Variants in NCKAP5 observed in about 807,000 individuals in gnomAD.
The protein encoded by NCKAP5 is nck-associated protein 5.
In NCKAP5, 92 loss-of-function variants were observed where a neutral mutation model predicts 167.0. The ratio of observed to expected loss-of-function variants is 0.55; its 90% CI spans 0.47 to 0.66. The LOEUF is 0.66. NCKAP5 is among the 30% of genes least tolerant of loss of function. The probability of loss-of-function intolerance (pLI) is 0.00; values close to 1 mark genes in which losing one functional copy is unlikely to be tolerated. For missense variants in NCKAP5, 2,378 were observed against 2,315.0 expected (o/e 1.03, Z -0.56); for synonymous variants, 891 against 877.4 (o/e 1.02, Z -0.27).
intron 5 of NCKAP5, among the ~76,000 whole-genome samples, chr2:133,145,387 G>A (rs2083154076): frequency 6.6e-6 from 1 of 152,074 alleles, no homozygotes; most frequent in African/African-American, 2.4e-5. Flanking sequence ...AACACCTAAT[G>A]CATGCGGGGC....
chr2:133,344,180 G>A (rs1171169321), intron 3 of NCKAP5, among the ~76,000 whole-genome samples: 1 of 152,130 alleles, frequency 6.6e-6, no homozygotes, highest in Non-Finnish European at 1.5e-5. Flanking sequence ...GGCCAAGGTG[G>A]GTGGAATGCT....
At chr2:132,857,308 T>A (rs1365759258) in intron 11 of NCKAP5, among the ~76,000 whole-genome samples, 1 of 152,198 alleles carries the variant, frequency 6.6e-6, no homozygotes, top group Non-Finnish European at 1.5e-5. Context: ...CCACATTTAA[T>A]ACAATTTCTG....
At chr2:132,677,480 G>A (rs1032477775) in intron 19 of NCKAP5, among the ~76,000 whole-genome samples, 3 of 152,046 alleles carry the variant, frequency 2.0e-5, no homozygotes, top group Non-Finnish European at 2.9e-5. Flanking sequence ...GACCAGCTTT[G>A]TGCAAACAGT....
intron 1 of NCKAP5, among the ~76,000 whole-genome samples, chr2:133,567,255 G>A (rs973365826): frequency 6.6e-6 from 1 of 152,240 alleles, no homozygotes; most frequent in Non-Finnish European, 1.5e-5. Flanking sequence ...CTGGTAGCTT[G>A]AAGGACAGAA....
chr2:132,761,119 C>A (rs182457783), intron 16 of NCKAP5, among the ~76,000 whole-genome samples: 2 of 152,324 alleles, frequency 1.3e-5, no homozygotes, highest in African/African-American at 4.8e-5. Context: ...CCAAAATCTT[C>A]CTCTACAGGT....
At chr2:132,871,581 C>G (rs1574476558) in intron 9 of NCKAP5, among the ~76,000 whole-genome samples, 2 of 152,288 alleles carry the variant, frequency 1.3e-5, no homozygotes, top group South Asian at 4.1e-4. Flanking sequence ...GACTAATATC[C>G]TAACTCTAAC....
At chr2:133,651,607 G>T in the NCKAP5 span, among the ~76,000 whole-genome samples, 14 of 152,252 alleles carry the variant, frequency 9.2e-5, no homozygotes, top group African/African-American at 3.1e-4. Context: ...CAGTATGGAA[G>T]TTCCTCAAAA....
chr2:133,200,141 T>C (rs2085621679), intron 5 of NCKAP5, among the ~76,000 whole-genome samples: 1 of 145,020 alleles, frequency 6.9e-6, no homozygotes, highest in Admixed American at 7.2e-5. Flanking sequence ...GAGCTTAGAA[T>C]AGAAAAAAAT....
chr2:133,408,020 T>A (rs1688545845), intron 3 of NCKAP5, among the ~76,000 whole-genome samples: 1 of 152,152 alleles, frequency 6.6e-6, no homozygotes, highest in Admixed American at 6.5e-5. Context: ...TGTGATCTGG[T>A]CCACAGCCCT....
chr2:133,258,965 T>A (rs2088771837), intron 4 of NCKAP5, among the ~76,000 whole-genome samples: 1 of 152,132 alleles, frequency 6.6e-6, no homozygotes, highest in African/African-American at 2.4e-5. Context: ...AGAGGGGTCT[T>A]GGGAAATGCT....
intron 6 of NCKAP5, among the ~76,000 whole-genome samples, chr2:133,097,181 C>A (rs1279679822): frequency 6.6e-6 from 1 of 152,134 alleles, no homozygotes; most frequent in Non-Finnish European, 1.5e-5. Context: ...GGCAAGGAGG[C>A]ATGGAGCAGC....
chr2:133,177,038 G>A (rs2084492266), intron 5 of NCKAP5, among the ~76,000 whole-genome samples: 1 of 151,910 alleles, frequency 6.6e-6, no homozygotes, highest in Non-Finnish European at 1.5e-5. Flanking sequence ...AGCCCAAAAA[G>A]TCTCATGATG....
chr2:133,600,036 C>T, the NCKAP5 span, among the ~76,000 whole-genome samples: 2 of 152,222 alleles, frequency 1.3e-5, no homozygotes, highest in Non-Finnish European at 2.9e-5. Flanking sequence ...AATTCAATGT[C>T]GCCAGGTTTG....
chr2:133,276,433 G>C (rs2089733902), intron 4 of NCKAP5, among the ~76,000 whole-genome samples: 1 of 151,998 alleles, frequency 6.6e-6, no homozygotes, highest in Admixed American at 6.6e-5. Flanking sequence ...CAAAAATTAA[G>C]AGGCAACTTT....
intron 11 of NCKAP5, among the ~76,000 whole-genome samples, chr2:132,816,287 A>G (rs995564396): frequency 2.0e-5 from 3 of 152,124 alleles, no homozygotes; most frequent in South Asian, 2.1e-4. Flanking sequence ...AGCTAAAAAA[A>G]GTGCAAAGTC....
intron 4 of NCKAP5, among the ~76,000 whole-genome samples, chr2:133,219,090 G>T (rs1297082448): frequency 6.6e-6 from 1 of 152,164 alleles, no homozygotes; most frequent in East Asian, 1.9e-4. Flanking sequence ...GTGAAACAGA[G>T]AGTAAAATAC....
chr2:133,582,221 T>A, the NCKAP5 span, among the ~76,000 whole-genome samples: 1 of 152,170 alleles, frequency 6.6e-6, no homozygotes, highest in Non-Finnish European at 1.5e-5. Context: ...CAGGAGTCTA[T>A]CAGAAATGCA....
At chr2:133,485,786 G>C (rs1277566386) in intron 3 of NCKAP5, among the ~76,000 whole-genome samples, 1 of 152,066 alleles carries the variant, frequency 6.6e-6, no homozygotes, top group African/African-American at 2.4e-5. Flanking sequence ...CTGGGGGTGG[G>C]GAGGAGGGTG....
At chr2:132,809,992 A>G (rs1308360432) in intron 11 of NCKAP5, among the ~76,000 whole-genome samples, 1 of 152,174 alleles carries the variant, frequency 6.6e-6, no homozygotes, top group Non-Finnish European at 1.5e-5. Context: ...ATGGCAAATT[A>G]TCTCAGCATT....
Sources: allele counts gnomAD v4.1 joint callset (sites outside exome capture counted in the v4.1 genomes callset), GRCh38; gene constraint gnomAD v4.1.1; transcripts MANE v1.5; gene names NCBI Gene and HGNC (gene_info 2026-07-23, HGNC 2026-07-21).